Variants in GLI2 observed in about 807,000 individuals in gnomAD.
The protein encoded by GLI2 is transcription activator GLI2.
GLI2 carries 22 observed loss-of-function variants against 78.9 expected under a neutral mutation model. The ratio of observed to expected loss-of-function variants is 0.28; its 90% CI spans 0.20 to 0.40. The LOEUF (loss-of-function observed/expected upper bound fraction) is 0.40, where lower values mean the gene tolerates loss of function less well. GLI2 is among the 10% of genes least tolerant of loss of function. The probability of loss-of-function intolerance (pLI) is 1.00; values close to 1 mark genes in which losing one functional copy is unlikely to be tolerated. For synonymous variants in GLI2, 974 were observed against 963.7 expected (o/e 1.01, Z -0.20); for missense variants, 2,097 against 2,213.2 (o/e 0.95, Z 1.05).
At chr2:120,856,618 C>T (rs914050375) in intron 2 of GLI2, among the ~76,000 whole-genome samples, 2 of 152,152 alleles carry the variant, frequency 1.3e-5, no homozygotes, top group Non-Finnish European at 2.9e-5. Context: ...CAGCTGCCTA[C>T]AGAACACTCT....
chr2:120,847,057 T>G (rs13398714), intron 2 of GLI2, among the ~76,000 whole-genome samples: 48,532 of 151,684 alleles, frequency 0.32, 9,965 homozygotes, highest in African/African-American at 0.59. Flanking sequence ...CGTCATGGCT[T>G]TCCTTGCTTC....
At chr2:120,879,504 AC>A (rs2104704644) in intron 2 of GLI2, among the ~76,000 whole-genome samples, 1 of 152,212 alleles carries the variant, frequency 6.6e-6, no homozygotes, top group Admixed American at 6.5e-5. Context: ...GTAGTTCCTC[AC>A]CCGTGCGTGG....
At chr2:120,899,332 G>T (rs1485686980) in intron 2 of GLI2, among the ~76,000 whole-genome samples, 1 of 152,170 alleles carries the variant, frequency 6.6e-6, no homozygotes, top group South Asian at 2.1e-4. Flanking sequence ...CACTTTAGGG[G>T]TTTGCTTCCA....
intron 2 of GLI2, among the ~76,000 whole-genome samples, chr2:120,821,201 C>T (rs962006793): frequency 6.6e-6 from 1 of 152,032 alleles, no homozygotes; most frequent in Non-Finnish European, 1.5e-5. Context: ...GAGGTTCTCT[C>T]GAGTTGCAAA....
rs373403721 is a variant in GLI2, at chr2:120,902,350, G to A, written c.149-25011G>A. 1.6e-4 allele frequency among the ~76,000 whole-genome samples: 25 copies of A among 152,234 alleles called. 2 individuals are homozygous for A. The highest frequency in any genetic ancestry group is 9.8e-4 in the Admixed American group (15 of 15,294). On this transcript the variant is annotated intron_variant, in intron 2 of 13. Coordinates refer to ENST00000361492, the MANE Select transcript of GLI2 (RefSeq NM_001374353.1). ...AGGGTCCAGTGAGAGAAGAAGCAAT[G>A]GTGGTTAATATTATAATAATTGACA...
intron 1 of GLI2, among the ~76,000 whole-genome samples, chr2:120,758,103 G>C (rs112796043): frequency 6.6e-6 from 1 of 152,182 alleles, no homozygotes; most frequent in Non-Finnish European, 1.5e-5. Context: ...TGTGGCCAGC[G>C]GGTGTGAGGA....
In GLI2 at chr2:120,737,394, GCT is replaced by G. The variant is rs1682401258; in HGVS notation, c.-31+1113_-31+1114del. Reference sequence around the variant, plus strand: ...TCACCCTGGGTGATCGGTCGCTGAGGCTCTCGGGGACCTCGAGCCCCCCCGAG... The same window carrying G: ...TCACCCTGGGTGATCGGTCGCTGAGGCTCGGGGACCTCGAGCCCCCCCGAG... On this transcript the variant is annotated intron_variant, in intron 1 of 13. Coordinates refer to ENST00000361492, the MANE Select transcript of GLI2 (RefSeq NM_001374353.1). This position sits in a 1 kb window ranked among gnomAD's most constrained non-coding sequence, Gnocchi z 4.3. 6.6e-6 allele frequency among the ~76,000 whole-genome samples: 1 copy of G among 152,178 alleles called. No homozygotes were observed. Among genetic ancestry groups the G allele is most frequent in the Admixed American group, 6.5e-5 (1 of 15,288 alleles).
chr2:120,915,327 A>G (rs925863534), intron 2 of GLI2, among the ~76,000 whole-genome samples: 14 of 152,232 alleles, frequency 9.2e-5, no homozygotes, highest in Non-Finnish European at 1.6e-4. Context: ...GCCGGACACC[A>G]GCCAGCTCGT....
chr2:120,981,094 T>C (rs1682699376), intron 10 of GLI2, among the ~76,000 whole-genome samples: 1 of 152,166 alleles, frequency 6.6e-6, no homozygotes, highest in South Asian at 2.1e-4. Flanking sequence ...ATGGCCAGGC[T>C]GGTCTTGAAC....
At chr2:120,948,321 C>T (rs190264559) in intron 3 of GLI2, among the ~76,000 whole-genome samples, 1 of 152,330 alleles carries the variant, frequency 6.6e-6, no homozygotes, top group East Asian at 1.9e-4. Context: ...CCAGGCATCC[C>T]TGCAGAGACC....
chr2:120,967,363 A>G (rs1048624538), intron 5 of GLI2, among the ~76,000 whole-genome samples: 2 of 152,166 alleles, frequency 1.3e-5, no homozygotes, highest in African/African-American at 4.8e-5. Flanking sequence ...TAAAAAGAGG[A>G]GACTGGCTCT....
Position 120,990,190 on chromosome 2 carries a change from T to A in GLI2, c.4225T>A (p.Ser1409Thr), listed in dbSNP as rs1285515448. The change falls in exon 14 of 14, where the codon TCG (serine) becomes ACG (threonine). Residue 1409 changes from serine to threonine, a missense_variant. Physicochemically the swap from Ser to Thr is moderately conservative, Grantham distance 58. Transcript: ENST00000361492. ...CAAGGGAGCGATGGGCAACATGGGG[T>A]CGGTGCCTCCCCAGCCGCCTCCGCA... ...VPKGAMGNMG[S>T]VPPQPPPQDA... The A allele has an allele frequency of 1.2e-6, 2 of 1,613,034 alleles. No individual in the cohort carries two copies. The highest frequency in any genetic ancestry group is 1.7e-6 in the Non-Finnish European group (2 of 1,179,926).
chr2:120,884,080 G>T (rs1209774627), intron 2 of GLI2, among the ~76,000 whole-genome samples: 1 of 152,158 alleles, frequency 6.6e-6, no homozygotes, highest in Non-Finnish European at 1.5e-5. Context: ...AGGGGCCAGG[G>T]GCAGCTCAGT....
At chr2:120,787,495 G>T (rs983987074) in intron 1 of GLI2, among the ~76,000 whole-genome samples, 5 of 152,170 alleles carry the variant, frequency 3.3e-5, no homozygotes, top group Admixed American at 2.0e-4. Context: ...CGTGTGCCAG[G>T]CTACTGGGGT....
At chr2:120,764,968 A>T (rs1460123580) in intron 1 of GLI2, among the ~76,000 whole-genome samples, 1 of 152,026 alleles carries the variant, frequency 6.6e-6, no homozygotes, top group Admixed American at 6.5e-5. Context: ...TCATTTGTTC[A>T]CCGTCCATTC....
At chr2:120,738,298 G>C (rs946484771) in intron 1 of GLI2, among the ~76,000 whole-genome samples, 1 of 152,124 alleles carries the variant, frequency 6.6e-6, no homozygotes, top group African/African-American at 2.4e-5. Flanking sequence ...TCTTGCTTTT[G>C]TTTTCCTAGA....
chr2:120,984,432 G>A (rs112382850), intron 11 of GLI2, 39 bp from the exon 12 acceptor site: 18 of 1,610,050 alleles, frequency 1.1e-5, no homozygotes, highest in South Asian at 3.3e-5. Flanking sequence ...GTTGATCCTC[G>A]TACCCCTATC....
At chr2:120,741,956 G>A (rs1457645907) in intron 1 of GLI2, among the ~76,000 whole-genome samples, 1 of 152,170 alleles carries the variant, frequency 6.6e-6, no homozygotes, top group Non-Finnish European at 1.5e-5. Context: ...CTCCCACCCG[G>A]GAAGGGCGCG....
chr2:120,764,391 A>G (rs2104649012), intron 1 of GLI2, among the ~76,000 whole-genome samples: 1 of 152,296 alleles, frequency 6.6e-6, no homozygotes, highest in Non-Finnish European at 1.5e-5. Flanking sequence ...GAAATTTGCT[A>G]AGCTAGGTAC....
Sources: gnomAD v4.1 joint callset for allele counts (sites outside exome capture counted in the v4.1 genomes callset) on GRCh38, gnomAD v4.1.1 for gene constraint, Gnocchi (gnomAD v3.1) non-coding constraint, MANE v1.5 for transcripts, NCBI Gene and HGNC (gene_info 2026-07-23, HGNC 2026-07-21) for gene names.